SLC35F1: variants seen among roughly 807,000 people sequenced by gnomAD.
The protein encoded by SLC35F1 is solute carrier family 35 member F1, also known as chromosome 6 open reading frame 169.
In SLC35F1, 14 loss-of-function variants were observed where a neutral mutation model predicts 48.7. That is an observed-to-expected ratio of 0.29 (90% CI 0.19 to 0.45). SLC35F1 has a LOEUF of 0.45. Ranked by LOEUF, SLC35F1 falls within the 20% of genes least tolerant of loss-of-function variation. The pLI, the probability that SLC35F1 is intolerant of heterozygous loss-of-function variation, is 1.00. For synonymous variants in SLC35F1, 190 were observed against 202.2 expected, an observed-to-expected ratio of 0.94 and a Z score of 0.51; for missense variants, 404 against 500.0, an observed-to-expected ratio of 0.81 and a Z score of 1.83.
chr6:117,923,747 GTACATATA>G (rs1775967214), intron 1 of SLC35F1, among the ~76,000 whole-genome samples: 2 of 54,410 alleles, frequency 3.7e-5, no homozygotes, highest in African/African-American at 9.3e-5. Flanking sequence ...ATACATATAT[GTACATATA>G]TACATATGCA....
At chr6:118,281,175 ACTCTCTCT>A (rs745677823) in intron 6 of SLC35F1, among the ~76,000 whole-genome samples, 25 of 137,690 alleles carry the variant, frequency 1.8e-4, no homozygotes, top group Middle Eastern at 3.9e-3. Context: ...ATATATAGTA[ACTCTCTCT>A]CTCTCTCTCT....
At chr6:117,947,215 G>T (rs565862783) in intron 1 of SLC35F1, among the ~76,000 whole-genome samples, 1 of 152,258 alleles carries the variant, frequency 6.6e-6, no homozygotes, top group South Asian at 2.1e-4. Flanking sequence ...GATATCTGGG[G>T]AAGAGCTTCC....
chr6:117,927,421 AAATC>A (rs1776043014), intron 1 of SLC35F1, among the ~76,000 whole-genome samples: 1 of 152,200 alleles, frequency 6.6e-6, no homozygotes, highest in Non-Finnish European at 1.5e-5. Flanking sequence ...GCAGAAGTAA[AAATC>A]AAGACAAAAC....
At chr6:118,294,837 A>G (rs563209511) in intron 7 of SLC35F1, among the ~76,000 whole-genome samples, 1 of 152,108 alleles carries the variant, frequency 6.6e-6, no homozygotes, top group East Asian at 1.9e-4. Flanking sequence ...AAAAAGAGAG[A>G]TTTCAAAATC....
chr6:118,279,623 GGAACTGGGA>G (rs1775957952), intron 6 of SLC35F1, among the ~76,000 whole-genome samples: 1 of 152,170 alleles, frequency 6.6e-6, no homozygotes, highest in Non-Finnish European at 1.5e-5. Context: ...TTCTTTCTGT[GGAACTGGGA>G]GATGGCATAA....
chr6:117,945,704 C>T (rs1256823993), intron 1 of SLC35F1, among the ~76,000 whole-genome samples: 1 of 152,180 alleles, frequency 6.6e-6, no homozygotes, highest in African/African-American at 2.4e-5. Flanking sequence ...CTTTTCCCCA[C>T]TGATGCCATG....
rs1438804380 is a variant in SLC35F1 at position 117,949,605 on chromosome 6, C to G, written c.173+41706C>G. Among the ~76,000 whole-genome samples, 5 of 152,266 alleles carry G rather than the reference C, an allele frequency of 3.3e-5. No individual in the cohort carries two copies. The East Asian group carries it at 7.7e-4, about 24-fold the overall frequency. On this transcript the variant is annotated intron_variant, in intron 1 of 7. Transcript: ENST00000360388. ...GAAAAAAAGCCTCCATCCTTTAACA[C>G]CATTCCTGGAACTGACTGTTTACTA...
At chr6:118,251,395 A>G (rs527282425) in intron 3 of SLC35F1, among the ~76,000 whole-genome samples, 1 of 152,180 alleles carries the variant, frequency 6.6e-6, no homozygotes, top group Non-Finnish European at 1.5e-5. Flanking sequence ...TGCCCAATAC[A>G]ATACTGTTAA....
At chr6:118,161,364 C>T (rs767869928) in intron 2 of SLC35F1, among the ~76,000 whole-genome samples, 10 of 151,968 alleles carry the variant, frequency 6.6e-5, no homozygotes, top group South Asian at 2.1e-4. Flanking sequence ...AGCAGAAGCC[C>T]GAGTTCTGCT....
At chr6:118,287,680 G>T (rs1776067465) in intron 7 of SLC35F1, among the ~76,000 whole-genome samples, 1 of 152,154 alleles carries the variant, frequency 6.6e-6, no homozygotes, top group Non-Finnish European at 1.5e-5. Flanking sequence ...CACTGTCTTT[G>T]ATAACAGTGT....
chr6:118,143,941 G>C (rs1489788441), intron 1 of SLC35F1, among the ~76,000 whole-genome samples: 1 of 152,080 alleles, frequency 6.6e-6, no homozygotes, highest in Admixed American at 6.6e-5. Flanking sequence ...TACCATGATG[G>C]TTTTCTGATG....
At chr6:117,919,816 A>G (rs561855210) in intron 1 of SLC35F1, among the ~76,000 whole-genome samples, 4 of 152,314 alleles carry the variant, frequency 2.6e-5, no homozygotes, top group Admixed American at 2.6e-4. Flanking sequence ...CAGCACTAGC[A>G]TATGTTCTGC....
At chr6:118,212,621 C>T (rs955061972) in intron 2 of SLC35F1, among the ~76,000 whole-genome samples, 2 of 151,472 alleles carry the variant, frequency 1.3e-5, no homozygotes, top group African/African-American at 4.9e-5. Context: ...CCCTGGGAGG[C>T]GGAGATTGCA....
In SLC35F1 at chr6:118,090,344, T is replaced by TCC. The variant is rs1184944955; in HGVS notation, c.174-64100_174-64099insCC. ...GGTGAATAAGACAGAGTTCCCACCC[T>TCC]CACTGAGCATATGTCGTGGTGGGAG... On this transcript the variant is annotated intron_variant, in intron 1 of 7. Coordinates refer to ENST00000360388, the MANE Select transcript of SLC35F1 (RefSeq NM_001029858.4). 1.4e-4 allele frequency among the ~76,000 whole-genome samples: 21 copies of TCC among 152,284 alleles called. No homozygotes were observed. The Middle Eastern group carries it at 0.01, about 74-fold the overall frequency.
At chr6:117,975,524 T>C (rs1776694924) in intron 1 of SLC35F1, among the ~76,000 whole-genome samples, 1 of 152,162 alleles carries the variant, frequency 6.6e-6, no homozygotes, top group Non-Finnish European at 1.5e-5. Context: ...ACTTTGATGT[T>C]TTAGAATTAA....
intron 1 of SLC35F1, among the ~76,000 whole-genome samples, chr6:118,068,511 C>CA (rs1462335404): frequency 1.3e-5 from 2 of 152,106 alleles, no homozygotes; most frequent in Non-Finnish European, 2.9e-5. Context: ...AATGGTTTTT[C>CA]ATTTTAATCC....
intron 1 of SLC35F1, among the ~76,000 whole-genome samples, chr6:118,102,919 T>A (rs1320386309): frequency 1.3e-5 from 2 of 152,186 alleles, no homozygotes; most frequent in Non-Finnish European, 2.9e-5. Context: ...TCTGCACAGA[T>A]CTAGATTTGC....
chr6:118,176,673 G>T (rs1774493353), intron 2 of SLC35F1, among the ~76,000 whole-genome samples: 1 of 152,020 alleles, frequency 6.6e-6, no homozygotes, highest in African/African-American at 2.4e-5. Context: ...AGTACATATT[G>T]TTTTATGACA....
intron 1 of SLC35F1, among the ~76,000 whole-genome samples, chr6:118,089,784 C>T (rs1265466197): frequency 1.3e-5 from 2 of 152,166 alleles, no homozygotes; most frequent in Non-Finnish European, 2.9e-5. Flanking sequence ...GATGACAGGG[C>T]TTCATGTTAA....
Sources: gnomAD v4.1 joint callset for allele counts (sites outside exome capture counted in the v4.1 genomes callset) on GRCh38, gnomAD v4.1.1 for gene constraint, MANE v1.5 for transcripts, NCBI Gene and HGNC (gene_info 2026-07-23, HGNC 2026-07-21) for gene names.